Variants in DRC4 observed in about 807,000 individuals in gnomAD.
DRC4 encodes the protein GAS-11.
the DRC4 span, among the ~76,000 whole-genome samples, chr16:90,028,732 G>C: frequency 6.6e-6 from 1 of 152,190 alleles, no homozygotes; most frequent in African/African-American, 2.4e-5. Context: ...TCTGGCCTCT[G>C]CCCTCATGGA....
chr16:90,042,781 T>G, the DRC4 span: 1 of 539,764 alleles, frequency 1.9e-6, no homozygotes, highest in Non-Finnish European at 3.4e-6. Flanking sequence ...ACCTGGACGC[T>G]TCCCTGGTCA....
At chr16:90,033,055 ATTTG>A in the DRC4 span, 1 of 954,898 alleles carries the variant, frequency 1.0e-6, no homozygotes. Context: ...CATTTTTGCA[ATTTG>A]TTGAAAAAAA....
At chr16:90,030,549 T>C in the DRC4 span, among the ~76,000 whole-genome samples, 3 of 147,290 alleles carry the variant, frequency 2.0e-5, no homozygotes, top group Non-Finnish European at 4.5e-5. Context: ...GGTTTTGCCA[T>C]GTTGCCTAGG....
chr16:90,040,513 G>A, the DRC4 span: 1,189 of 1,593,706 alleles, frequency 7.5e-4, 2 homozygotes, highest in Middle Eastern at 2.0e-3. Flanking sequence ...GCTGGAGGTA[G>A]GCCCTAGACA....
chr16:90,031,387 A>G, the DRC4 span: 1 of 1,613,920 alleles, frequency 6.2e-7, no homozygotes, highest in Non-Finnish European at 8.5e-7. Flanking sequence ...GACAAGATCC[A>G]CACCTTCTGG....
At chr16:90,040,383 C>T in the DRC4 span, 90 of 1,611,144 alleles carry the variant, frequency 5.6e-5, no homozygotes, top group South Asian at 5.5e-4. Context: ...TCAAGAACCT[C>T]GTGCTAGAAC....
At chr16:90,029,178 G>C in the DRC4 span, 1 of 1,345,764 alleles carries the variant, frequency 7.4e-7, no homozygotes, top group Non-Finnish European at 9.9e-7. Flanking sequence ...GGCAGCTTAC[G>C]GGGCAGGCTA....
At chr16:90,041,342 G>A in the DRC4 span, among the ~76,000 whole-genome samples, 1 of 152,208 alleles carries the variant, frequency 6.6e-6, no homozygotes, top group Non-Finnish European at 1.5e-5. Context: ...CTGGCCAGGT[G>A]TGAGGGGGCT....
chr16:90,043,006 T>C, the DRC4 span: 1 of 595,540 alleles, frequency 1.7e-6, no homozygotes, highest in East Asian at 2.8e-5. Context: ...AGCCTCTCCC[T>C]GTCGTGCTAC....
At chr16:90,036,447 C>T in the DRC4 span, 13 of 1,613,896 alleles carry the variant, frequency 8.1e-6, no homozygotes, top group Non-Finnish European at 1.0e-5. Flanking sequence ...CGGAGAAAGA[C>T]TGAGCTCCAC....
chr16:90,042,824 C>T, the DRC4 span: 1 of 516,196 alleles, frequency 1.9e-6, no homozygotes, highest in Non-Finnish European at 3.5e-6. Context: ...TCAGAAGGTG[C>T]TGTGCCCACC....
chr16:90,044,863 A>C, the DRC4 span: 1 of 250,096 alleles, frequency 4.0e-6, no homozygotes. Flanking sequence ...AATTTATCCC[A>C]TGAGCAAGAA....
the DRC4 span, chr16:90,040,132 C>T: frequency 1.7e-3 from 1,107 of 665,474 alleles, 10 homozygotes; most frequent in African/African-American, 0.017. Context: ...CTACAAAGGG[C>T]CAGGGCGCAG....
chr16:90,029,609 C>G, the DRC4 span: 1 of 262,956 alleles, frequency 3.8e-6, no homozygotes, highest in East Asian at 1.5e-4. Context: ...CTCATGTCTG[C>G]CCGGCATCCT....
chr16:90,040,013 G>A, the DRC4 span: 1 of 457,084 alleles, frequency 2.2e-6, no homozygotes, highest in Non-Finnish European at 4.1e-6. Flanking sequence ...AGCTTTCAGG[G>A]TGGGGCTGCT....
the DRC4 span, chr16:90,039,784 T>C: frequency 5.6e-6 from 1 of 178,412 alleles, no homozygotes; most frequent in Non-Finnish European, 1.2e-5. Context: ...AAGAACAGTT[T>C]TACTGGCTGG....
the DRC4 span, among the ~76,000 whole-genome samples, chr16:90,026,331 A>T: frequency 6.6e-6 from 1 of 152,086 alleles, no homozygotes; most frequent in Admixed American, 6.5e-5. Flanking sequence ...CATCCTTGTC[A>T]AAGTTGCTAA....
the DRC4 span, chr16:90,043,470 G>A: frequency 2.0e-6 from 2 of 982,572 alleles, no homozygotes; most frequent in East Asian, 2.6e-5. Flanking sequence ...CTTTTCACAT[G>A]TTCTTGCCAT....
At chr16:90,029,658 C>G in the DRC4 span, 2 of 218,968 alleles carry the variant, frequency 9.1e-6, no homozygotes, top group Non-Finnish European at 2.0e-5. Flanking sequence ...CTTGTTTGCT[C>G]GTTGTCTTGT....
Sources: allele counts gnomAD v4.1 joint callset (sites outside exome capture counted in the v4.1 genomes callset), GRCh38; gene constraint gnomAD v4.1.1; transcripts MANE v1.5; gene names NCBI Gene and HGNC (gene_info 2026-07-23, HGNC 2026-07-21).